DSCAML1: variants seen among roughly 807,000 people sequenced by gnomAD.
DSCAML1 encodes cell adhesion molecule DSCAML1.
DSCAML1 carries 38 observed loss-of-function variants against 200.5 expected under a neutral mutation model. That is an observed-to-expected ratio of 0.19 (90% CI 0.15 to 0.25). The LOEUF (loss-of-function observed/expected upper bound fraction) is 0.25, where lower values mean the gene tolerates loss of function less well. Among genes scored for constraint, DSCAML1 ranks in the 10% least tolerant of loss-of-function variants. The pLI, the probability that DSCAML1 is intolerant of heterozygous loss-of-function variation, is 1.00. For synonymous variants in DSCAML1, 1,215 were observed against 1,165.0 expected, an observed-to-expected ratio of 1.04 and a Z score of -0.87; for missense variants, 2,223 against 2,858.8, an observed-to-expected ratio of 0.78 and a Z score of 5.07.
chr11:117,530,154 C>G (rs911950085), intron 4 of DSCAML1, among the ~76,000 whole-genome samples: 2 of 152,044 alleles, frequency 1.3e-5, no homozygotes, highest in South Asian at 2.1e-4. Flanking sequence ...TGAGTCTCCT[C>G]CCCCTCGCCC....
chr11:117,641,119 G>A (rs1035851398), intron 3 of DSCAML1, among the ~76,000 whole-genome samples: 6 of 152,236 alleles, frequency 3.9e-5, no homozygotes, highest in Admixed American at 3.9e-4. Flanking sequence ...TCCAATAGGG[G>A]TAGGCCACAT....
At chr11:117,769,165 T>C (rs1188227320) in intron 3 of DSCAML1, among the ~76,000 whole-genome samples, 2 of 24,764 alleles carry the variant, frequency 8.1e-5, no homozygotes, top group Non-Finnish European at 1.9e-4. Flanking sequence ...ATATATATTA[T>C]ATATTTTATA....
chr11:117,594,683 GTCT>G (rs777391652), intron 3 of DSCAML1, among the ~76,000 whole-genome samples: 5 of 152,078 alleles, frequency 3.3e-5, no homozygotes, highest in Non-Finnish European at 4.4e-5. Flanking sequence ...TGGCTATCTG[GTCT>G]TCTCTCCGTG....
At chr11:117,466,550 A>C (rs2048583597) in intron 16 of DSCAML1, among the ~76,000 whole-genome samples, 1 of 152,114 alleles carries the variant, frequency 6.6e-6, no homozygotes, top group East Asian at 1.9e-4. Context: ...AAATACAAAA[A>C]ATTAGCTGGG....
chr11:117,581,217 G>T (rs1172464834), intron 3 of DSCAML1, among the ~76,000 whole-genome samples: 1 of 152,156 alleles, frequency 6.6e-6, no homozygotes, highest in Non-Finnish European at 1.5e-5. Flanking sequence ...AAGTTACCAT[G>T]GATCACCTGC....
At chr11:117,799,866 G>C (rs555706548), upstream of DSCAML1, among the ~76,000 whole-genome samples, 53 of 152,354 alleles carry the variant, frequency 3.5e-4, no homozygotes, top group South Asian at 0.011. Context: ...CCATGAATGG[G>C]AACAGCTTTG....
At chr11:117,461,635 C>T (rs186371029) in intron 17 of DSCAML1, 39 bp from the exon 18 acceptor site, 11 of 1,594,556 alleles carry the variant, frequency 6.9e-6, no homozygotes, top group Middle Eastern at 3.6e-4. Flanking sequence ...TCCAGTCAGT[C>T]ATGGATGTGA....
Position 117,810,883 on chromosome 11 carries a change from G to A in DSCAML1, c.-250+6507C>T, listed in dbSNP as rs943828521. Among the ~76,000 whole-genome samples, 29 of 151,872 alleles carry A rather than the reference G, an allele frequency of 1.9e-4. 1 individual carries two copies. Among genetic ancestry groups the A allele is most frequent in the African/African-American group, 6.3e-4 (26 of 41,384 alleles). On this transcript the variant is annotated intron_variant, in intron 1 of 2. Transcript: ENST00000525836. ...CCCAAATCTTCCTTCTTTCCCTCCC[G>A]CCTGTCCCCTCAGTCCCAACCCCAA...
At chr11:117,636,653 T>C (rs1370533230) in intron 3 of DSCAML1, among the ~76,000 whole-genome samples, 1 of 152,182 alleles carries the variant, frequency 6.6e-6, no homozygotes. Context: ...CTCAAAGCAC[T>C]GCTGGCAAGA....
intron 11 of DSCAML1, among the ~76,000 whole-genome samples, chr11:117,486,434 GT>G (rs2049064761): frequency 6.6e-6 from 1 of 151,788 alleles, no homozygotes; most frequent in African/African-American, 2.4e-5. Context: ...AATGGCGGAT[GT>G]GAAAGTGGCA....
chr11:117,701,949 G>A (rs1387418082), intron 3 of DSCAML1, among the ~76,000 whole-genome samples: 4 of 152,204 alleles, frequency 2.6e-5, no homozygotes, highest in Non-Finnish European at 5.9e-5. Context: ...GCGCGTGGCA[G>A]CTGTGGTTAC....
Position 117,469,833 on chromosome 11 carries a change from G to A in DSCAML1, c.3024+77C>T. 3.7e-6 allele frequency: 5 copies of A among 1,356,766 alleles called. No individual in the cohort carries two copies. Among genetic ancestry groups the A allele is most frequent in the South Asian group, 1.6e-5 (1 of 60,622 alleles). 84.0% of individuals were successfully genotyped at this position (1,356,766 alleles called of 1,614,324 possible). ...TATAAGACTAGAGACTAGCAAGCCT[G>A]CTGGGAGCTTTCGTCCTGGATTGAG... On this transcript the variant is annotated intron_variant, in intron 16 of 32. Coordinates refer to ENST00000651296, the MANE Select transcript of DSCAML1 (RefSeq NM_020693.4). The surrounding 1 kb of genome is among the most constrained non-coding windows in gnomAD (Gnocchi z 4.1).
At chr11:117,448,958 C>G (rs1014594792) in intron 20 of DSCAML1, among the ~76,000 whole-genome samples, 2 of 152,198 alleles carry the variant, frequency 1.3e-5, no homozygotes, top group African/African-American at 4.8e-5. Context: ...TGCCCCAAAG[C>G]CTTCCATCAA....
chr11:117,508,325 G>A (rs1269505743), intron 8 of DSCAML1, among the ~76,000 whole-genome samples: 1 of 152,144 alleles, frequency 6.6e-6, no homozygotes, highest in Non-Finnish European at 1.5e-5. Context: ...GGCTGTCGGG[G>A]TAACTGCATT....
At position 117,428,135 on chromosome 11, in the gene DSCAML1, A is replaced by G. The variant is rs1216353795; in HGVS notation, c.*193T>C. On this transcript the variant is annotated 3_prime_UTR_variant, in exon 33 of 33. Coordinates refer to ENST00000651296, the MANE Select transcript of DSCAML1 (RefSeq NM_020693.4). The stretch of plus-strand genomic sequence containing the variant: ...GTCAAATTCTTTGTGCCCTGGCTTC[A>G]TGGAGAAGAAGAAAATAGTTTCATT... The G allele has an allele frequency of 1.9e-6, 1 of 514,336 alleles. No homozygotes were observed. The highest frequency in any genetic ancestry group is 2.0e-5 in the African/African-American group (1 of 48,858). The allele number at this position is 514,336 out of a possible 1,614,324, so 31.9% of individuals were successfully genotyped here.
intron 3 of DSCAML1, among the ~76,000 whole-genome samples, chr11:117,636,067 C>G (rs1262604590): frequency 6.6e-6 from 1 of 152,166 alleles, no homozygotes; most frequent in African/African-American, 2.4e-5. Flanking sequence ...CACAACTGGT[C>G]CCCCGACCAT....
At chr11:117,696,411 G>A (rs2053587604) in intron 3 of DSCAML1, among the ~76,000 whole-genome samples, 1 of 152,226 alleles carries the variant, frequency 6.6e-6, no homozygotes, top group Non-Finnish European at 1.5e-5. Context: ...CATTTGCAAG[G>A]AGAACTAGGG....
At chr11:117,674,689 A>T (rs935489661) in intron 3 of DSCAML1, among the ~76,000 whole-genome samples, 1 of 152,156 alleles carries the variant, frequency 6.6e-6, no homozygotes, top group Non-Finnish European at 1.5e-5. Flanking sequence ...GCAGAGAGGC[A>T]ATTCCATCGT....
intron 19 of DSCAML1, among the ~76,000 whole-genome samples, chr11:117,451,864 ACACT>A (rs1242597288): frequency 1.3e-5 from 2 of 152,264 alleles, no homozygotes; most frequent in African/African-American, 4.8e-5. Context: ...ATTGCATAAG[ACACT>A]CAATAAATTG....
Sources: allele counts gnomAD v4.1 joint callset (sites outside exome capture counted in the v4.1 genomes callset), GRCh38; gene constraint gnomAD v4.1.1; non-coding constraint Gnocchi (gnomAD v3.1); transcripts MANE v1.5; gene names NCBI Gene and HGNC (gene_info 2026-07-23, HGNC 2026-07-21).